PDLIM7: variants seen among roughly 807,000 people sequenced by gnomAD.
PDLIM7 encodes PDZ and LIM domain 7.
PDLIM7 carries 37 observed loss-of-function variants against 53.9 expected under a neutral mutation model. The observed-to-expected ratio is 0.69, with a 90% CI of 0.53 to 0.90. The LOEUF (loss-of-function observed/expected upper bound fraction) is 0.90. Ranked by LOEUF, PDLIM7 falls within the 40% of genes least tolerant of loss-of-function variation. The pLI is 0.00. For missense variants in PDLIM7, 617 were observed against 638.5 expected (o/e 0.97, Z 0.36); for synonymous variants, 300 against 261.3 (o/e 1.15, Z -1.43).
At chr5:177,488,846 C>T (rs1351664142) in intron 9 of PDLIM7, among the ~76,000 whole-genome samples, 2 of 151,560 alleles carry the variant, frequency 1.3e-5, no homozygotes, top group Non-Finnish European at 2.9e-5. Context: ...GCCGAGATCG[C>T]GCCACTGCAC....
chr5:177,491,024 G>C lies in PDLIM7; in HGVS notation c.521C>G (p.Thr174Arg), dbSNP rs1222816382. The C allele has an allele frequency of 6.2e-7, 1 of 1,613,542 alleles. No homozygotes were observed. The highest frequency in any genetic ancestry group is 2.2e-5 in the East Asian group (1 of 44,874). ...SRSFRILAHL[T>R]GTEFMQDPDE... is the part of the protein sequence containing the mutation. The stretch of plus-strand genomic sequence containing the variant: ...CTGGCACTTACTGAACTCGGTGCCT[G>C]TGAGGTGGGCAAGGATGCGGAAGGA... Residue 174 changes from threonine to arginine, a missense_variant, in exon 6 of 13, where the codon ACA becomes AGA. Coordinates refer to ENST00000355841, the MANE Select transcript of PDLIM7 (RefSeq NM_005451.5).
chr5:177,487,986 G>T (rs1758548401), intron 10 of PDLIM7, 82 bp downstream of exon 10: 1 of 1,403,774 alleles, frequency 7.1e-7, no homozygotes, highest in Non-Finnish European at 9.7e-7. Flanking sequence ...CTCGGGGAGA[G>T]ACCTGGACTG....
At position 177,488,267 on chromosome 5, in the gene PDLIM7, G is replaced by A. The variant is rs201929553; in HGVS notation, c.870-19C>T. On this transcript the variant is annotated intron_variant, in intron 9 of 12. Coordinates refer to ENST00000355841, the MANE Select transcript of PDLIM7 (RefSeq NM_005451.5). Reference sequence around the variant, plus strand: ...GCGGCCCCTGCAGGGAGGCGAGAGCGGTCAGAGGGAGCACACGCAGAGAGG... The same window carrying A: ...GCGGCCCCTGCAGGGAGGCGAGAGCAGTCAGAGGGAGCACACGCAGAGAGG... The A allele has an allele frequency of 6.4e-5, 101 of 1,576,050 alleles. No individual in the cohort carries two copies. The highest frequency in any genetic ancestry group is 1.1e-4 in the East Asian group (5 of 44,060).
chr5:177,496,540 G>C lies in PDLIM7; in HGVS notation c.-11-17C>G, dbSNP rs554932951. The stretch of plus-strand genomic sequence containing the variant: ...TGCCGGCTCCTGAGAGGAGAGAAGA[G>C]AAGGTGAGTGGCCAGCATGGTGGGC... On this transcript the variant is annotated splice_polypyrimidine_tract_variant and intron_variant, in intron 1 of 12. Coordinates refer to ENST00000355841, the MANE Select transcript of PDLIM7 (RefSeq NM_005451.5). The C allele has an allele frequency of 1.3e-6, 2 of 1,538,278 alleles. No individual in the cohort carries two copies. Among genetic ancestry groups the C allele is most frequent in the Admixed American group, 3.8e-5 (2 of 52,432 alleles).
At chr5:177,490,536 G>A (rs1210274700) in intron 7 of PDLIM7, 2 of 1,567,392 alleles carry the variant, frequency 1.3e-6, no homozygotes, top group African/African-American at 2.7e-5. Context: ...AGCGCTGGTG[G>A]TGCCAGTCCC....
In PDLIM7 at chr5:177,491,078, C is replaced by T. The variant is rs1253222257; in HGVS notation, c.467G>A (p.Arg156Gln). ...CGACTGGCCTGTCCCCGGCCGCGGC[C>T]GCCAGTCCTCTGTGTTCTCCATCAG... ...QRLMENTEDW[R>Q]PRPGTGQSRS... Residue 156 changes from arginine to glutamine, a missense_variant, in exon 6 of 13, where the codon CGG (arginine) becomes CAG (glutamine). Arg to Gln is a conservative substitution (Grantham distance 43). Transcript: ENST00000355841. The T allele has an allele frequency of 8.7e-6, 14 of 1,611,842 alleles. 1 individual carries two copies. Among genetic ancestry groups the T allele is most frequent in the South Asian group, 2.2e-5 (2 of 90,846 alleles).
intron 2 of PDLIM7, among the ~76,000 whole-genome samples, chr5:177,494,379 C>G (rs1382577455): frequency 6.6e-6 from 1 of 152,198 alleles, no homozygotes; most frequent in African/African-American, 2.4e-5. Context: ...CTAAATCAAC[C>G]CCTTATACTG....
chr5:177,490,642 G>T, intron 7 of PDLIM7: 1 of 1,320,872 alleles, frequency 7.6e-7, no homozygotes, highest in Non-Finnish European at 1.1e-6. Flanking sequence ...AGGAGAGATG[G>T]AAGGGAGGCA....
At chr5:177,486,368 T>C (rs1046667272) in intron 10 of PDLIM7, among the ~76,000 whole-genome samples, 9 of 152,232 alleles carry the variant, frequency 5.9e-5, no homozygotes, top group African/African-American at 2.2e-4. Flanking sequence ...ACATCTACCT[T>C]GCAACCGTGC....
intron 7 of PDLIM7, chr5:177,490,103 T>G (rs1758673191): frequency 2.0e-6 from 3 of 1,520,766 alleles, no homozygotes; most frequent in Non-Finnish European, 2.6e-6. Context: ...AAGCCATCTG[T>G]GATGGCAGGG....
At chr5:177,491,771 G>C (rs911414343) in intron 5 of PDLIM7, 36 bp downstream of exon 5, 2 of 1,031,390 alleles carry the variant, frequency 1.9e-6, no homozygotes, top group Non-Finnish European at 1.3e-6. Context: ...CAGTGGGCCT[G>C]ATGGCGTGGG....
At chr5:177,496,380 A>G (rs1164221049) in intron 2 of PDLIM7, 37 bp downstream of exon 2, 2 of 1,473,202 alleles carry the variant, frequency 1.4e-6, no homozygotes, top group Non-Finnish European at 1.8e-6. Context: ...GCACCGAAAG[A>G]CCGCTGGGGG....
At position 177,491,040 on chromosome 5, in the gene PDLIM7, T is replaced by C. The variant is rs376035270; in HGVS notation, c.505A>G (p.Ile169Val). The change falls in exon 6 of 13, where the codon ATC becomes GTC. Residue 169 changes from isoleucine (I) to valine (V), a missense_variant. Coordinates refer to ENST00000355841, the MANE Select transcript of PDLIM7 (RefSeq NM_005451.5). ...TCGGTGCCTGTGAGGTGGGCAAGGA[T>C]GCGGAAGGAACGCGACTGGCCTGTC... is the stretch of plus-strand genomic sequence containing the variant. The part of the protein sequence containing the change: ...PGTGQSRSFR[I>V]LAHLTGTEFM... The C allele has an allele frequency of 3.1e-6, 5 of 1,613,170 alleles. No homozygotes were observed. In the African/African-American group the frequency reaches 4.0e-5, roughly 13 times the overall value.
chr5:177,491,331 AG>A (rs1758769469), intron 5 of PDLIM7, 185 bp from the exon 6 acceptor site: 3 of 1,507,936 alleles, frequency 2.0e-6, no homozygotes, highest in South Asian at 2.4e-5. Context: ...GAGGGCAGCC[AG>A]GGTGGGGAGG....
chr5:177,491,411 G>T, intron 5 of PDLIM7: 4 of 1,551,718 alleles, frequency 2.6e-6, no homozygotes, highest in Non-Finnish European at 3.5e-6. Context: ...GACTTGTCAG[G>T]GGTCTGCACC....
rs559166570 is a variant in PDLIM7 at position 177,490,146 on chromosome 5, G to A, written c.573-314C>T. On this transcript the variant is annotated intron_variant, in intron 7 of 12. Transcript: ENST00000355841. ...CCTTTGCCAGGTACCCCCTCCCACT[G>A]AAAACGAGGACGGCAGGGCCCAAAC... 5.1e-3 allele frequency: 7,567 copies of A among 1,480,202 alleles called. 30 individuals carry two copies. The highest frequency in any genetic ancestry group is 6.3e-3 in the Non-Finnish European group (6,990 of 1,108,634). 91.7% of individuals were successfully genotyped at this position (1,480,202 alleles called of 1,614,324 possible).
At chr5:177,491,737 C>A in intron 5 of PDLIM7, 70 bp downstream of exon 5, 1 of 764,772 alleles carries the variant, frequency 1.3e-6, no homozygotes, top group Non-Finnish European at 1.9e-6. Context: ...GACTGAGCAG[C>A]AGCGGGCAGC....
At chr5:177,491,619 G>A (rs1758788316) in intron 5 of PDLIM7, 188 bp downstream of exon 5, 2 of 635,528 alleles carry the variant, frequency 3.1e-6, no homozygotes. Flanking sequence ...TCCCCAGGGC[G>A]GTGCCCTGCA....
chr5:177,490,565 G>A, intron 7 of PDLIM7: 1 of 1,561,106 alleles, frequency 6.4e-7, no homozygotes, highest in Non-Finnish European at 8.7e-7. Flanking sequence ...GTGTAGCGTG[G>A]GCTCTGCAGC....
Sources: gnomAD v4.1 joint callset for allele counts (sites outside exome capture counted in the v4.1 genomes callset) on GRCh38, gnomAD v4.1.1 for gene constraint, MANE v1.5 for transcripts, NCBI Gene and HGNC (gene_info 2026-07-23, HGNC 2026-07-21) for gene names.